AFF3: variants seen among roughly 807,000 people sequenced by gnomAD.
The protein encoded by AFF3 is AF4/FMR2 family member 3.
In AFF3, 32 loss-of-function variants were observed where a neutral mutation model predicts 129.7. That is an observed-to-expected ratio of 0.25 (90% confidence interval 0.19 to 0.33). The LOEUF (loss-of-function observed/expected upper bound fraction) is 0.33. Among genes scored for constraint, AFF3 ranks in the 10% least tolerant of loss-of-function variants. The pLI, the probability that AFF3 is intolerant of heterozygous loss-of-function variation, is 1.00. For synonymous variants in AFF3, 644 were observed against 635.4 expected, an observed-to-expected ratio of 1.01 and a Z score of -0.20; for missense variants, 1,373 against 1,592.0, an observed-to-expected ratio of 0.86 and a Z score of 2.34.
intron 11 of AFF3, among the ~76,000 whole-genome samples, chr2:99,723,391 T>C (rs1679080292): frequency 6.6e-6 from 1 of 152,186 alleles, no homozygotes; most frequent in Non-Finnish European, 1.5e-5. Context: ...AACCTTGTAT[T>C]ACAATTTAAG....
chr2:100,112,010 A>G (rs1017502098), intron 2 of AFF3, among the ~76,000 whole-genome samples: 3 of 152,264 alleles, frequency 2.0e-5, no homozygotes, highest in East Asian at 1.9e-4. Flanking sequence ...ATGGATCCCA[A>G]ATTGATTTCC....
At chr2:99,680,860 T>C (rs1374630409) in intron 11 of AFF3, among the ~76,000 whole-genome samples, 2 of 152,212 alleles carry the variant, frequency 1.3e-5, no homozygotes, top group Admixed American at 6.5e-5. Flanking sequence ...GAACCAAGCA[T>C]AATCTCCTAA....
intron 3 of AFF3, 71 bp downstream of exon 3, chr2:100,105,433 C>A (rs1300468079): frequency 2.3e-6 from 3 of 1,319,312 alleles, no homozygotes; most frequent in Non-Finnish European, 3.0e-6. Context: ...GGTTTGGCCT[C>A]CAGTGGTGGT....
intron 4 of AFF3, among the ~76,000 whole-genome samples, chr2:100,036,688 G>C (rs1225479057): frequency 6.6e-6 from 1 of 151,596 alleles, no homozygotes; most frequent in Non-Finnish European, 1.5e-5. Flanking sequence ...ATAAGAGAAG[G>C]GGCAGTAGTC....
At chr2:100,101,985 G>A (rs1690769021) in intron 4 of AFF3, among the ~76,000 whole-genome samples, 1 of 146,954 alleles carries the variant, frequency 6.8e-6, no homozygotes, top group Non-Finnish European at 1.5e-5. Context: ...TCTGTTTTAT[G>A]ACCTCAGTAA....
chr2:99,894,311 A>T (rs1056855124), intron 7 of AFF3, among the ~76,000 whole-genome samples: 3 of 151,330 alleles, frequency 2.0e-5, no homozygotes, highest in African/African-American at 7.3e-5. Flanking sequence ...AATACTAAAT[A>T]TGGTTGTGGT....
Position 100,100,707 on chromosome 2 carries a change from C to T in AFF3, c.53+3695G>A, listed in dbSNP as rs980060256. Among the ~76,000 whole-genome samples, 11 of 152,206 alleles carry T rather than the reference C, an allele frequency of 7.2e-5. No homozygotes were observed. The Middle Eastern group carries it at 9.5e-3, about 131-fold the overall frequency. ...TCTCCCACAGAAACCAGCACAAGGT[C>T]TTCTACTTAAGAGATGATCAACAAA... On this transcript the variant is annotated intron_variant, in intron 4 of 24. Coordinates refer to ENST00000672756, the MANE Select transcript of AFF3 (RefSeq NM_001386135.1).
chr2:100,107,547 G>A (rs527277866), intron 2 of AFF3: 3 of 975,118 alleles, frequency 3.1e-6, no homozygotes, highest in Non-Finnish European at 2.4e-6. Flanking sequence ...ATCCTATAGT[G>A]CTTGTGACCT....
chr2:100,007,607 T>C, intron 5 of AFF3, 147 bp from the exon 6 acceptor site: 1 of 727,972 alleles, frequency 1.4e-6, no homozygotes, highest in Non-Finnish European at 2.3e-6. Context: ...TTATCGTCTC[T>C]GAAGATGTCT....
At chr2:99,992,400 G>A (rs1160405438) in intron 7 of AFF3, among the ~76,000 whole-genome samples, 3 of 152,206 alleles carry the variant, frequency 2.0e-5, no homozygotes, top group Admixed American at 6.5e-5. Flanking sequence ...CATGAATTTA[G>A]ATAGGAATCC....
In AFF3 at chr2:99,954,205, T is replaced by G. The variant is rs141476034; in HGVS notation, c.873+52427A>C. Among the ~76,000 whole-genome samples, 832 of 151,932 alleles carry G rather than the reference T, an allele frequency of 5.5e-3. 9 individuals are homozygous for G. The highest frequency in any genetic ancestry group is 0.019 in the African/African-American group (782 of 41,412). ...TTAGCATTATCTAAATGCAGGGACA[T>G]AAAAATGCATGGTACAAAAAAAAAA... is the stretch of plus-strand genomic sequence containing the variant. On this transcript the variant is annotated intron_variant, in intron 7 of 24. Coordinates refer to ENST00000672756, the MANE Select transcript of AFF3 (RefSeq NM_001386135.1).
chr2:99,674,835 C>T (rs1000004773), intron 11 of AFF3, among the ~76,000 whole-genome samples: 7 of 152,218 alleles, frequency 4.6e-5, no homozygotes, highest in African/African-American at 1.7e-4. Flanking sequence ...TCAGTCACCA[C>T]ATGAGCCTGG....
At chr2:99,807,105 C>G (rs1313765731) in intron 8 of AFF3, among the ~76,000 whole-genome samples, 1 of 152,198 alleles carries the variant, frequency 6.6e-6, no homozygotes, top group Non-Finnish European at 1.5e-5. Flanking sequence ...CCCTTGCATT[C>G]ATCAACAGAT....
chr2:99,907,463 G>A lies in AFF3; in HGVS notation c.874-69939C>T, dbSNP rs369206363. On this transcript the variant is annotated intron_variant, in intron 7 of 24. Coordinates refer to ENST00000672756, the MANE Select transcript of AFF3 (RefSeq NM_001386135.1). ...CTTCTCTTCAGGTTAAATAACCCAC[G>A]CTTTCTTAATGCTTCACTGTGAATC... Among the ~76,000 whole-genome samples the A allele has an allele frequency of 2.8e-4, 43 of 151,754 alleles. No homozygotes were observed. In the South Asian group the frequency reaches 8.8e-3, roughly 31 times the overall value.
intron 11 of AFF3, among the ~76,000 whole-genome samples, chr2:99,697,007 C>G (rs1186717397): frequency 6.6e-6 from 1 of 152,178 alleles, no homozygotes; most frequent in Non-Finnish European, 1.5e-5. Flanking sequence ...CTTTGCTTTC[C>G]TCTTCTATCA....
chr2:100,018,227 T>C (rs1376991357), intron 4 of AFF3, among the ~76,000 whole-genome samples: 1 of 152,182 alleles, frequency 6.6e-6, no homozygotes, highest in Non-Finnish European at 1.5e-5. Flanking sequence ...GAATTCTGCA[T>C]ACTGAATTCC....
intron 13 of AFF3, among the ~76,000 whole-genome samples, chr2:99,615,593 ACTC>A (rs1410004509): frequency 3.3e-5 from 5 of 152,174 alleles, no homozygotes; most frequent in Admixed American, 2.6e-4. Flanking sequence ...CACTTGGACA[ACTC>A]CTCCCCTGGC....
At chr2:99,623,174 T>G (rs910990811) in intron 13 of AFF3, among the ~76,000 whole-genome samples, 17 of 149,572 alleles carry the variant, frequency 1.1e-4, no homozygotes, top group Non-Finnish European at 2.2e-4. Flanking sequence ...TTTTTTTAAC[T>G]TATAAGATAG....
At chr2:99,620,549 G>A (rs1043792401) in intron 13 of AFF3, among the ~76,000 whole-genome samples, 5 of 152,170 alleles carry the variant, frequency 3.3e-5, no homozygotes, top group African/African-American at 7.2e-5. Flanking sequence ...GATCACTTGA[G>A]CCAAAGGAGT....
Sources: gnomAD v4.1 joint callset for allele counts (sites outside exome capture counted in the v4.1 genomes callset) on GRCh38, gnomAD v4.1.1 for gene constraint, MANE v1.5 for transcripts, NCBI Gene and HGNC (gene_info 2026-07-23, HGNC 2026-07-21) for gene names.